Variants in ZNF681 observed in about 807,000 individuals in gnomAD.
ZNF681 encodes zinc finger protein 681, also known as hypothetical protein FLJ31526.
A neutral mutation model predicts 56.0 loss-of-function variants in ZNF681; 37 were observed. The ratio of observed to expected loss-of-function variants is 0.66; its 90% CI spans 0.51 to 0.87. ZNF681 has a LOEUF of 0.87. Among genes scored for constraint, ZNF681 ranks in the 40% least tolerant of loss-of-function variants. The pLI is 0.00. For missense variants in ZNF681, 741 were observed against 744.9 expected, an observed-to-expected ratio of 0.99 and a Z score of 0.06; for synonymous variants, 225 against 248.6, an observed-to-expected ratio of 0.91 and a Z score of 0.89.
Position 23,750,292 on chromosome 19 carries a change from A to AC in ZNF681, c.226+4530_226+4531insG, listed in dbSNP as rs1205393296. 1.3e-3 allele frequency among the ~76,000 whole-genome samples: 99 copies of AC among 76,096 alleles called. 2 individuals are homozygous for AC. Among genetic ancestry groups the AC allele is most frequent in the Admixed American group, 7.8e-3 (45 of 5,766 alleles). 49.9% of individuals were successfully genotyped at this position (76,096 alleles called of 152,430 possible). On this transcript the variant is annotated intron_variant, in intron 3 of 3. Transcript: ENST00000402377. Reference sequence around the variant, plus strand: ...GAGTGAGACTCCAACTCAAAAAAAAAAAAAAAAAAAACCAAAAAACAACTA... The same window carrying AC: ...GAGTGAGACTCCAACTCAAAAAAAAACAAAAAAAAAAACCAAAAAACAACTA...
Position 23,744,775 on chromosome 19 carries a change from A to T in ZNF681, c.775T>A (p.Cys259Ser), listed in dbSNP as rs144389205. Residue 259 changes from cysteine to serine, a missense_variant, in exon 4 of 4, where the codon TGT becomes AGT. Physicochemically the swap from Cys to Ser is moderately radical, Grantham distance 112. Coordinates refer to ENST00000402377, the MANE Select transcript of ZNF681 (RefSeq NM_138286.3). Reference sequence around the variant, plus strand: ...GACGACAGGTTAAAGGCTTTGCTACATTCTTCACGTTTGTAGAGTTTGTCT... The same window carrying T: ...GACGACAGGTTAAAGGCTTTGCTACTTTCTTCACGTTTGTAGAGTTTGTCT... Reference protein sequence around the residue: ...TRDKLYKREECSKAFNLSSHI... With the variant: ...TRDKLYKREESSKAFNLSSHI... 3.7e-6 allele frequency: 6 copies of T among 1,613,096 alleles called. No homozygotes were observed. The highest frequency in any genetic ancestry group is 1.7e-5 in the Admixed American group (1 of 59,892).
intron 1 of ZNF681, among the ~76,000 whole-genome samples, chr19:23,757,934 T>A (rs902085936): frequency 1.6e-4 from 25 of 152,228 alleles, no homozygotes; most frequent in Admixed American, 1.6e-3. Context: ...TGACATATAC[T>A]AATAAGCAAT....
intron 3 of ZNF681, 73 bp from the exon 4 acceptor site, chr19:23,745,396 C>T (rs1599452573): frequency 1.7e-6 from 2 of 1,190,402 alleles, no homozygotes; most frequent in East Asian, 2.8e-5. Context: ...CCAACCTATA[C>T]AATTATACAA....
chr19:23,744,518 G>C lies in ZNF681; in HGVS notation c.1032C>G (p.Gly344=), dbSNP rs558549336. Residue 344 remains glycine (G), a synonymous_variant, in exon 4 of 4, where the codon GGC becomes GGG. Transcript: ENST00000402377. The part of the protein sequence containing the change: ...GEKPYKCEEC[G]KAFNQSSHLT... ...GGTGTGAGGACTGGTTAAAGGCTTTGCCACATTCTTCACATTTGTAGGGTT... is the reference window on the plus strand; with the variant it reads ...GGTGTGAGGACTGGTTAAAGGCTTTCCCACATTCTTCACATTTGTAGGGTT... The C allele has an allele frequency of 6.2e-7, 1 of 1,612,964 alleles. No individual in the cohort carries two copies. The highest frequency in any genetic ancestry group is 1.3e-5 in the African/African-American group (1 of 74,986).
At chr19:23,747,482 A>G (rs1239147305) in intron 3 of ZNF681, among the ~76,000 whole-genome samples, 1 of 151,808 alleles carries the variant, frequency 6.6e-6, no homozygotes, top group East Asian at 1.9e-4. Flanking sequence ...TACTAAAAAT[A>G]CAAAAAAATT....
intron 1 of ZNF681, 85 bp from the exon 2 acceptor site, chr19:23,755,636 A>C: frequency 7.4e-7 from 1 of 1,343,166 alleles, no homozygotes; most frequent in Non-Finnish European, 9.7e-7. Flanking sequence ...AGAATTTATA[A>C]TTTGATTCAA....
At chr19:23,754,657 T>C (rs1438071294) in intron 3 of ZNF681, among the ~76,000 whole-genome samples, 166 bp downstream of exon 3, 2 of 152,266 alleles carry the variant, frequency 1.3e-5, no homozygotes, top group South Asian at 4.1e-4. Context: ...AGAGCGAGAC[T>C]CCATCTCTCA....
chr19:23,757,461 A>G (rs1394506388), intron 1 of ZNF681, among the ~76,000 whole-genome samples: 1 of 152,256 alleles, frequency 6.6e-6, no homozygotes, highest in East Asian at 1.9e-4. Flanking sequence ...AATGTATTTT[A>G]GAGAAATTTA....
In ZNF681 at chr19:23,745,138, G is replaced by A; in HGVS notation, c.412C>T (p.Gln138Ter). 2 of 1,611,758 alleles carry A rather than the reference G, an allele frequency of 1.2e-6. No homozygotes were observed. Among genetic ancestry groups the A allele is most frequent in the Non-Finnish European group, 8.5e-7 (1 of 1,179,494 alleles). The change falls in exon 4 of 4, where the codon CAG (glutamine) becomes TAG (stop). Residue 138 changes from glutamine to a stop codon, truncating the protein, a stop_gained. Coordinates refer to ENST00000402377, the MANE Select transcript of ZNF681 (RefSeq NM_138286.3). LOFTEE classifies it high-confidence loss of function. ...NGLNQCLPTT[Q>*]SKIFQCDKYM... ...TTATCACATTGAAATATTTTGCTCT[G>A]GGTAGTTGGCAAACATTGGTTAAGT... is the stretch of plus-strand genomic sequence containing the variant.
chr19:23,742,683 G>A lies in ZNF681; in HGVS notation c.*929C>T, dbSNP rs992066826. 1.3e-5 allele frequency: 2 copies of A among 152,018 alleles called. No individual in the cohort carries two copies. The highest frequency in any genetic ancestry group is 2.4e-5 in the African/African-American group (1 of 41,460). 9.4% of individuals were successfully genotyped at this position (152,018 alleles called of 1,614,324 possible). A position where few individuals can be genotyped will look rare whatever the true frequency, so the allele number is the denominator to read the frequency against. On this transcript the variant is annotated 3_prime_UTR_variant, in exon 4 of 4. Coordinates refer to ENST00000402377, the MANE Select transcript of ZNF681 (RefSeq NM_138286.3). ...TGTCCTTAACTCTTTCACTAAAAAAGGTCGTAAATAATGCACACCTAATAA... is the reference window on the plus strand; with the variant it reads ...TGTCCTTAACTCTTTCACTAAAAAAAGTCGTAAATAATGCACACCTAATAA...
intron 3 of ZNF681, among the ~76,000 whole-genome samples, chr19:23,752,130 A>G (rs572060824): frequency 1.8e-4 from 27 of 152,266 alleles, no homozygotes; most frequent in African/African-American, 6.3e-4. Context: ...AATTCTGAGG[A>G]GTGCTATTTT....
At chr19:23,756,820 ATATAT>A (rs1368183601) in intron 1 of ZNF681, among the ~76,000 whole-genome samples, 3 of 152,084 alleles carry the variant, frequency 2.0e-5, no homozygotes, top group South Asian at 2.1e-4. Flanking sequence ...TAGAAAAAAA[ATATAT>A]TATAAAAGAC....
rs1216944306 is a variant in ZNF681, at chr19:23,744,657, G to T, written c.893C>A (p.Thr298Asn). 1.3e-6 allele frequency: 2 copies of T among 1,596,512 alleles called. No individual in the cohort carries two copies. The highest frequency in any genetic ancestry group is 1.7e-6 in the Non-Finnish European group (2 of 1,167,628). ...DKAFNQSLTL[T>N]THKIIHTREK... ...TCTGGTATGAATTATCTTATGTGTAGTAAGGGTTAAGGACTGATTAAAGGC... is the reference window on the plus strand; with the variant it reads ...TCTGGTATGAATTATCTTATGTGTATTAAGGGTTAAGGACTGATTAAAGGC... The change falls in exon 4 of 4, where the codon ACT becomes AAT. Residue 298 changes from threonine to asparagine, a missense_variant. By Grantham distance (65) the Thr-to-Asn change is moderately conservative (BLOSUM62 0). Transcript: ENST00000402377.
intron 3 of ZNF681, among the ~76,000 whole-genome samples, chr19:23,748,027 C>G (rs1968970688): frequency 6.6e-6 from 1 of 151,886 alleles, no homozygotes; most frequent in Non-Finnish European, 1.5e-5. Context: ...AATACTTAAA[C>G]ATATAAAAAT....
chr19:23,755,892 TTGG>T (rs1416670368), intron 1 of ZNF681, among the ~76,000 whole-genome samples: 10 of 152,122 alleles, frequency 6.6e-5, no homozygotes, highest in African/African-American at 2.2e-4. Context: ...TTTTACACTG[TTGG>T]TGGGAATGTA....
chr19:23,750,224 C>T (rs1395274492), intron 3 of ZNF681, among the ~76,000 whole-genome samples: 1 of 141,652 alleles, frequency 7.1e-6, no homozygotes, highest in Non-Finnish European at 1.5e-5. Context: ...GCAGAGGTTG[C>T]AGTTAGCCAA....
At chr19:23,757,370 T>A (rs1336065508) in intron 1 of ZNF681, among the ~76,000 whole-genome samples, 1 of 152,152 alleles carries the variant, frequency 6.6e-6, no homozygotes, top group Non-Finnish European at 1.5e-5. Flanking sequence ...TTATTTCTTC[T>A]GTTTCTCTGT....
chr19:23,748,376 T>G (rs1436625944), intron 3 of ZNF681, among the ~76,000 whole-genome samples: 1 of 152,280 alleles, frequency 6.6e-6, no homozygotes, highest in Admixed American at 6.5e-5. Context: ...CCAGAAGGTT[T>G]GCTGAGGGCA....
In ZNF681 at chr19:23,743,073, G is replaced by A. The variant is rs1968891312; in HGVS notation, c.*539C>T. On this transcript the variant is annotated 3_prime_UTR_variant, in exon 4 of 4. Coordinates refer to ENST00000402377, the MANE Select transcript of ZNF681 (RefSeq NM_138286.3). ...CATATTTACTGCATCTGCAAAAATA[G>A]ATTTTAGTATGAACCCTCTAGTGTT... 1 of 152,166 alleles carries A rather than the reference G, an allele frequency of 6.6e-6. No homozygotes were observed. The highest frequency in any genetic ancestry group is 6.5e-5 in the Admixed American group (1 of 15,280). 9.4% of individuals were successfully genotyped at this position (152,166 alleles called of 1,614,324 possible).
Sources: gnomAD v4.1 joint callset for allele counts (sites outside exome capture counted in the v4.1 genomes callset) on GRCh38, gnomAD v4.1.1 for gene constraint, MANE v1.5 for transcripts, NCBI Gene and HGNC (gene_info 2026-07-23, HGNC 2026-07-21) for gene names.